Variants in TBC1D2 observed in about 807,000 individuals in gnomAD.
The protein encoded by TBC1D2 is TBC1 domain family member 2, also known as TBC1 domain family member 2A.
Under a neutral mutation model 91.1 loss-of-function variants are expected in TBC1D2, and 58 were observed. That is an observed-to-expected ratio of 0.64 (90% CI 0.52 to 0.79). TBC1D2 has a LOEUF of 0.79. TBC1D2 is among the 30% of genes least tolerant of loss of function. TBC1D2 has a pLI of 0.00. For synonymous variants in TBC1D2, 482 were observed against 511.5 expected (o/e 0.94, Z 0.78); for missense variants, 1,080 against 1,208.3 (o/e 0.89, Z 1.57).
At position 98,210,644 on chromosome 9, in the gene TBC1D2, C is replaced by G. The variant is rs377410113; in HGVS notation, c.1673+12G>C. The G allele has an allele frequency of 6.4e-7, 1 of 1,569,004 alleles. No homozygotes were observed. The highest frequency in any genetic ancestry group is 1.2e-5 in the South Asian group (1 of 85,890). On this transcript the variant is annotated intron_variant, in intron 8 of 12. Coordinates refer to ENST00000465784, the MANE Select transcript of TBC1D2 (RefSeq NM_001267571.2). ...TCACATAGACCAGCCCTTCCTGGGCCGCCAGGCTCACCTGATGGGGCTCAG... is the reference window on the plus strand; with the variant it reads ...TCACATAGACCAGCCCTTCCTGGGCGGCCAGGCTCACCTGATGGGGCTCAG...
chr9:98,242,132 T>G (rs1298846817), intron 3 of TBC1D2, among the ~76,000 whole-genome samples: 3 of 152,132 alleles, frequency 2.0e-5, no homozygotes, highest in Admixed American at 6.5e-5. Context: ...TAAGTTCATC[T>G]GAAGTCCACA....
intron 3 of TBC1D2, among the ~76,000 whole-genome samples, chr9:98,241,513 T>TAG (rs1029001750): frequency 6.6e-6 from 1 of 152,184 alleles, no homozygotes; most frequent in African/African-American, 2.4e-5. Flanking sequence ...TCTTGCAAAG[T>TAG]AGCCTGGCAT....
intron 7 of TBC1D2, among the ~76,000 whole-genome samples, chr9:98,212,541 G>T (rs193036038): frequency 1.0e-3 from 154 of 148,598 alleles, no homozygotes; most frequent in African/African-American, 3.8e-3. Context: ...TTGCTCTGTT[G>T]CCCAGGCTGG....
chr9:98,229,036 G>T lies in TBC1D2; in HGVS notation c.894C>A (p.Ile298=). Residue 298 remains isoleucine, a synonymous_variant, in exon 5 of 13, where the codon ATC becomes ATA. Coordinates refer to ENST00000465784, the MANE Select transcript of TBC1D2 (RefSeq NM_001267571.2). The part of the protein sequence containing the change: ...NNTFPFFSEG[I]TRNRTAQEKV... ...TCTCCTGGGCAGTTCGGTTCCGTGT[G>T]ATTCCTTCAGAAAAGAATGGGAAGG... 1 of 1,614,206 alleles carries T rather than the reference G, an allele frequency of 6.2e-7. No homozygotes were observed. Among genetic ancestry groups the T allele is most frequent in the African/African-American group, 1.3e-5 (1 of 75,060 alleles).
At position 98,199,451 on chromosome 9, in the gene TBC1D2, C is replaced by A; in HGVS notation, c.2717G>T (p.Arg906Met). The change falls in exon 13 of 13, where the codon AGG (arginine) becomes ATG (methionine). Residue 906 changes from arginine (R) to methionine (M), a missense_variant. Physicochemically the swap from Arg to Met is moderately conservative, Grantham distance 91 (BLOSUM62 -1). Transcript: ENST00000465784. ...CACAGCTCTGCGCCGGGATGCCCGCCTCTCCAGGTACTCTGCCTTAAGCTG... is the reference window on the plus strand; with the variant it reads ...CACAGCTCTGCGCCGGGATGCCCGCATCTCCAGGTACTCTGCCTTAAGCTG... ...LEQLKAEYLE[R>M]RASRRRAVSE... 6.2e-7 allele frequency: 1 copy of A among 1,614,144 alleles called. No homozygotes were observed. The highest frequency in any genetic ancestry group is 1.1e-5 in the South Asian group (1 of 91,082).
intron 9 of TBC1D2, 136 bp from the exon 10 acceptor site, chr9:98,203,544 A>C: frequency 1.4e-5 from 19 of 1,312,572 alleles, no homozygotes; most frequent in Non-Finnish European, 1.9e-5. Flanking sequence ...CTCCCTAACC[A>C]GATTTGTGCT....
chr9:98,222,780 T>C (rs1388363766), intron 5 of TBC1D2, among the ~76,000 whole-genome samples: 1 of 152,256 alleles, frequency 6.6e-6, no homozygotes, highest in African/African-American at 2.4e-5. Flanking sequence ...CACACCAAAG[T>C]ATTAAAATGA....
At position 98,229,004 on chromosome 9, in the gene TBC1D2, G is replaced by T. The variant is rs773998480; in HGVS notation, c.926C>A (p.Ala309Glu). The part of the protein sequence containing the change: ...TRNRTAQEKV[A>E]ALEQQVLMLT... The stretch of plus-strand genomic sequence containing the variant: ...CATCAGAACCTGTTGCTCCAAGGCT[G>T]CCACTTTCTCCTGGGCAGTTCGGTT... The change falls in exon 5 of 13, where the codon GCA (alanine) becomes GAA (glutamate). Residue 309 changes from alanine to glutamate, a missense_variant. Coordinates refer to ENST00000465784, the MANE Select transcript of TBC1D2 (RefSeq NM_001267571.2). 13 of 1,614,088 alleles carry T rather than the reference G, an allele frequency of 8.1e-6. No homozygotes were observed. Among genetic ancestry groups the T allele is most frequent in the African/African-American group, 1.3e-5 (1 of 74,936 alleles).
intron 3 of TBC1D2, chr9:98,234,975 G>A (rs1829465674): frequency 1.2e-5 from 2 of 168,030 alleles, no homozygotes; most frequent in Non-Finnish European, 2.6e-5. Flanking sequence ...GGAGGCTGAG[G>A]TGGGTGGCTC....
In TBC1D2 at chr9:98,220,671, A is replaced by T. The variant is rs184931068; in HGVS notation, c.1374+162T>A. On this transcript the variant is annotated intron_variant, in intron 6 of 12. Transcript: ENST00000465784. ...TGTGGTAAAGAAAGTGAAGAAGCGT[A>T]GAGCAATATTCCCATCAACATGTGT... 6.6e-5 allele frequency among the ~76,000 whole-genome samples: 10 copies of T among 152,324 alleles called. No individual in the cohort carries two copies. The East Asian group carries it at 1.9e-3, about 29-fold the overall frequency.
At chr9:98,240,388 G>A (rs1288749371) in intron 3 of TBC1D2, among the ~76,000 whole-genome samples, 1 of 152,152 alleles carries the variant, frequency 6.6e-6, no homozygotes, top group Non-Finnish European at 1.5e-5. Context: ...TGGCTCCTTG[G>A]CCTAGTGACT....
At chr9:98,226,786 T>G (rs999153209) in intron 5 of TBC1D2, among the ~76,000 whole-genome samples, 1 of 152,244 alleles carries the variant, frequency 6.6e-6, no homozygotes, top group Admixed American at 6.5e-5. Context: ...CTTCAATGCA[T>G]CAACAACTTC....
chr9:98,228,395 T>C lies in TBC1D2; in HGVS notation c.978+557A>G, dbSNP rs999568648. On this transcript the variant is annotated intron_variant, in intron 5 of 12. Coordinates refer to ENST00000465784, the MANE Select transcript of TBC1D2 (RefSeq NM_001267571.2). This position sits in a 1 kb window ranked among gnomAD's most constrained non-coding sequence, Gnocchi z 4.0. ...TGTGTATGAGATCTGTTTTCTACAA[T>C]TATTATATAGCTCTTGTAACTCTCG... Among the ~76,000 whole-genome samples the C allele has an allele frequency of 1.2e-4, 18 of 152,238 alleles. No individual in the cohort carries two copies. Among genetic ancestry groups the C allele is most frequent in the Non-Finnish European group, 2.5e-4 (17 of 68,050 alleles).
intron 1 of TBC1D2, among the ~76,000 whole-genome samples, chr9:98,253,560 T>A (rs1829912990): frequency 2.0e-5 from 3 of 152,216 alleles, no homozygotes; most frequent in Admixed American, 2.0e-4. Context: ...TGGGCCCCTC[T>A]GTTTTTCTGG....
chr9:98,249,701 C>A (rs1469870461), intron 2 of TBC1D2, among the ~76,000 whole-genome samples: 1 of 152,192 alleles, frequency 6.6e-6, no homozygotes, highest in Admixed American at 6.5e-5. Context: ...ATACTAGTAA[C>A]AGCACCTATA....
chr9:98,217,715 T>A (rs1449951392), intron 6 of TBC1D2, among the ~76,000 whole-genome samples: 2 of 152,132 alleles, frequency 1.3e-5, no homozygotes, highest in Non-Finnish European at 2.9e-5. Context: ...TTCTCTTTTT[T>A]ATTTTTTTTT....
chr9:98,204,293 C>G (rs1415121003), intron 9 of TBC1D2, among the ~76,000 whole-genome samples: 1 of 152,170 alleles, frequency 6.6e-6, no homozygotes, highest in Non-Finnish European at 1.5e-5. Context: ...CCCATTCTAG[C>G]CCCTGAGAGG....
chr9:98,208,153 G>T lies in TBC1D2; in HGVS notation c.2150+515C>A, dbSNP rs981368348. Among the ~76,000 whole-genome samples the T allele has an allele frequency of 3.3e-5, 5 of 152,104 alleles. 1 individual carries two copies. In the East Asian group the frequency reaches 9.7e-4, roughly 29 times the overall value. On this transcript the variant is annotated intron_variant, in intron 9 of 12. Coordinates refer to ENST00000465784, the MANE Select transcript of TBC1D2 (RefSeq NM_001267571.2). Reference sequence around the variant, plus strand: ...AAGCACAAATCAAAGGAGAGAGCAGGGACGAGGGGCCTGGAGCTCTGAGCT... The same window carrying T: ...AAGCACAAATCAAAGGAGAGAGCAGTGACGAGGGGCCTGGAGCTCTGAGCT...
At chr9:98,205,567 G>T (rs1828628152) in intron 9 of TBC1D2, among the ~76,000 whole-genome samples, 1 of 151,946 alleles carries the variant, frequency 6.6e-6, no homozygotes, top group Non-Finnish European at 1.5e-5. Context: ...CTTTTTTTGA[G>T]ACAGAGACTC....
Sources: allele counts gnomAD v4.1 joint callset (sites outside exome capture counted in the v4.1 genomes callset), GRCh38; gene constraint gnomAD v4.1.1; non-coding constraint Gnocchi (gnomAD v3.1); transcripts MANE v1.5; gene names NCBI Gene and HGNC (gene_info 2026-07-23, HGNC 2026-07-21).